The following FUT8 variants were observed in gnomAD, a reference collection of about 807,000 sequenced individuals.
FUT8 encodes fucosyltransferase 8.
In FUT8, 29 loss-of-function variants were observed where a neutral mutation model predicts 71.3. The observed-to-expected ratio is 0.41, with a 90% CI of 0.30 to 0.55. The LOEUF is 0.55. Ranked by LOEUF, FUT8 falls within the 20% of genes least tolerant of loss-of-function variation. FUT8 has a pLI of 0.34. For missense variants in FUT8, 544 were observed against 702.1 expected, an observed-to-expected ratio of 0.77 and a Z score of 2.55; for synonymous variants, 254 against 239.3, an observed-to-expected ratio of 1.06 and a Z score of -0.57.
chr14:65,530,120 C>T (rs1883838711), intron 2 of FUT8, among the ~76,000 whole-genome samples: 1 of 152,110 alleles, frequency 6.6e-6, no homozygotes, highest in African/African-American at 2.4e-5. Context: ...CTGTAACTCT[C>T]TCACTTCAGG....
At chr14:65,492,406 A>G (rs577690740) in intron 2 of FUT8, among the ~76,000 whole-genome samples, 12 of 152,338 alleles carry the variant, frequency 7.9e-5, no homozygotes, top group East Asian at 1.9e-4. Context: ...AATGTAGTCA[A>G]CTGTTCAAAC....
chr14:65,723,364 G>T (rs563343023), intron 8 of FUT8, among the ~76,000 whole-genome samples: 1 of 152,146 alleles, frequency 6.6e-6, no homozygotes, highest in African/African-American at 2.4e-5. Flanking sequence ...AAGATGGGAG[G>T]AGAGAGGAGA....
chr14:65,575,644 A>G (rs1315556064), intron 3 of FUT8, among the ~76,000 whole-genome samples: 2 of 101,848 alleles, frequency 2.0e-5, no homozygotes, highest in Non-Finnish European at 3.8e-5. Context: ...TTTCCCCCAC[A>G]CTCTTGCTCT....
At chr14:65,401,304 G>C in the FUT8 span, among the ~76,000 whole-genome samples, 1 of 152,296 alleles carries the variant, frequency 6.6e-6, no homozygotes, top group South Asian at 2.1e-4. Context: ...AAGTATAGCA[G>C]GGTACCAAAG....
chr14:65,620,825 C>T (rs1392287604), intron 5 of FUT8, among the ~76,000 whole-genome samples: 1 of 152,166 alleles, frequency 6.6e-6, no homozygotes, highest in African/African-American at 2.4e-5. Context: ...GTATGATTGT[C>T]TTCTAAGGAA....
At chr14:65,392,764 T>C in the FUT8 span, among the ~76,000 whole-genome samples, 3 of 152,226 alleles carry the variant, frequency 2.0e-5, no homozygotes, top group Non-Finnish European at 2.9e-5. Flanking sequence ...GCTGGAAGCG[T>C]CCTGCTTCTT....
In FUT8 at chr14:65,637,829, A is replaced by C. The variant is rs1425969316; in HGVS notation, c.597+8223A>C. 2.6e-5 allele frequency among the ~76,000 whole-genome samples: 4 copies of C among 152,240 alleles called. No individual in the cohort carries two copies. The East Asian group carries it at 7.8e-4, about 30-fold the overall frequency. On this transcript the variant is annotated intron_variant, in intron 6 of 10. Transcript: ENST00000673929. ...TTACTTCTGGTCTTTTGTGTGGCAG[A>C]AGCCAGGAAGTCGTCGTGGATTTTG...
rs2066482245 is a variant in FUT8 at position 65,491,544 on chromosome 14, A to C, written c.-228+35826A>C. On this transcript the variant is annotated intron_variant, in intron 2 of 10. Transcript: ENST00000673929. Reference sequence around the variant, plus strand: ...AATTGAACAGAAGCCATTTCAGAGAATACTGGAGAACTGAAAAGAATAATA... The same window carrying C: ...AATTGAACAGAAGCCATTTCAGAGACTACTGGAGAACTGAAAAGAATAATA... 2.0e-5 allele frequency among the ~76,000 whole-genome samples: 3 copies of C among 152,178 alleles called. No individual in the cohort carries two copies. In the South Asian group the frequency reaches 6.2e-4, roughly 32 times the overall value.
At chr14:65,414,436 G>A (rs2065189944) in intron 1 of FUT8, among the ~76,000 whole-genome samples, 1 of 152,200 alleles carries the variant, frequency 6.6e-6, no homozygotes, top group Non-Finnish European at 1.5e-5. Context: ...AGATATATGA[G>A]AAATAATGGA....
At position 65,483,563 on chromosome 14, in the gene FUT8, G is replaced by A. The variant is rs1288177972; in HGVS notation, c.-228+27845G>A. 2.6e-5 allele frequency among the ~76,000 whole-genome samples: 4 copies of A among 152,094 alleles called. No individual in the cohort carries two copies. Among genetic ancestry groups the A allele is most frequent in the Non-Finnish European group, 4.4e-5 (3 of 68,022 alleles). ...ACATCTTAACGATATCAAGTCTTCT[G>A]ACTCATGAATAAAATGTCTCCATTT... On this transcript the variant is annotated intron_variant, in intron 2 of 10. Coordinates refer to ENST00000673929, the MANE Select transcript of FUT8 (RefSeq NM_001371533.1). This position sits in a 1 kb window ranked among gnomAD's most constrained non-coding sequence, Gnocchi z 4.4.
At chr14:65,642,793 T>C (rs1890903024) in intron 6 of FUT8, among the ~76,000 whole-genome samples, 1 of 152,192 alleles carries the variant, frequency 6.6e-6, no homozygotes, top group Non-Finnish European at 1.5e-5. Flanking sequence ...AATTTTAGAA[T>C]CAACTTGTCT....
chr14:65,590,486 T>A (rs1887630702), intron 3 of FUT8, among the ~76,000 whole-genome samples: 1 of 152,176 alleles, frequency 6.6e-6, no homozygotes, highest in South Asian at 2.1e-4. Context: ...TTAAGATGTC[T>A]CTCTGTTTCT....
At chr14:65,690,612 A>G (rs1054253900) in intron 7 of FUT8, among the ~76,000 whole-genome samples, 34 of 150,956 alleles carry the variant, frequency 2.3e-4, no homozygotes, top group African/African-American at 8.3e-4. Context: ...TTAGACTTTA[A>G]CTTCTGTCAT....
At chr14:65,508,534 C>G (rs1006925296) in intron 2 of FUT8, among the ~76,000 whole-genome samples, 8 of 92,564 alleles carry the variant, frequency 8.6e-5, no homozygotes, top group Non-Finnish European at 1.3e-4. Flanking sequence ...GAGTTTCGCT[C>G]TTGTTGCCTA....
Position 65,421,735 on chromosome 14 carries a change from A to AC in FUT8, c.-326+8524dup, listed in dbSNP as rs377291691. On this transcript the variant is annotated intron_variant, in intron 1 of 10. Transcript: ENST00000673929. The stretch of plus-strand genomic sequence containing the variant: ...AAGATTTGTATCTTGAAACCCTTTA[A>AC]CCCACCCCCCCCTTTTTTTTTTTTT... Among the ~76,000 whole-genome samples the AC allele has an allele frequency of 1.1e-3, 38 of 34,342 alleles. No individual in the cohort carries two copies. In the East Asian group the frequency reaches 0.027, roughly 24 times the overall value. 22.5% of individuals were successfully genotyped at this position (34,342 alleles called of 152,430 possible).
the FUT8 span, among the ~76,000 whole-genome samples, chr14:65,393,379 G>A: frequency 1.3e-5 from 2 of 152,200 alleles, no homozygotes; most frequent in African/African-American, 2.4e-5. Context: ...GATTGATAGA[G>A]ATTCTGTAGA....
At chr14:65,542,484 T>C (rs1245545423) in intron 2 of FUT8, among the ~76,000 whole-genome samples, 1 of 152,206 alleles carries the variant, frequency 6.6e-6, no homozygotes, top group Non-Finnish European at 1.5e-5. Flanking sequence ...GTTTCCCTTA[T>C]TTTGTGAGAT....
At chr14:65,499,628 A>G (rs1594703660) in intron 2 of FUT8, among the ~76,000 whole-genome samples, 1 of 152,000 alleles carries the variant, frequency 6.6e-6, no homozygotes, top group Non-Finnish European at 1.5e-5. Flanking sequence ...ATTCTGAGCA[A>G]CAAGCGAGGC....
rs187670872 is a variant in FUT8, at chr14:65,701,816, G to C, written c.836-19959G>C. Among the ~76,000 whole-genome samples, 31 of 152,182 alleles carry C rather than the reference G, an allele frequency of 2.0e-4. 1 individual carries two copies. Among genetic ancestry groups the C allele is most frequent in the Admixed American group, 1.7e-3 (26 of 15,282 alleles). ...AGAAAAATCTGTATCTTACCCATAG[G>C]AACTTCTCTAGAGCCCCTCCTTTTA... On this transcript the variant is annotated intron_variant, in intron 7 of 10. Transcript: ENST00000673929.
Sources: gnomAD v4.1 joint callset for allele counts (sites outside exome capture counted in the v4.1 genomes callset) on GRCh38, gnomAD v4.1.1 for gene constraint, Gnocchi (gnomAD v3.1) non-coding constraint, MANE v1.5 for transcripts, NCBI Gene and HGNC (gene_info 2026-07-23, HGNC 2026-07-21) for gene names.